LRRC8B: variants seen among roughly 807,000 people sequenced by gnomAD.
LRRC8B encodes the protein leucine rich repeat containing 8 VRAC subunit B, also known as volume-regulated anion channel subunit LRRC8B.
LRRC8B carries 23 observed loss-of-function variants against 58.8 expected under a neutral mutation model. The ratio of observed to expected loss-of-function variants is 0.39; its 90% CI spans 0.28 to 0.55. The LOEUF (loss-of-function observed/expected upper bound fraction) is 0.55, where lower values mean the gene tolerates loss of function less well. Among genes scored for constraint, LRRC8B ranks in the 20% least tolerant of loss-of-function variants. The pLI is 0.62. For synonymous variants in LRRC8B, 359 were observed against 374.1 expected (o/e 0.96, Z 0.47); for missense variants, 694 against 936.0 (o/e 0.74, Z 3.37).
intron 5 of LRRC8B, among the ~76,000 whole-genome samples, chr1:89,586,287 G>GA (rs1347132674): frequency 2.0e-5 from 3 of 152,162 alleles, no homozygotes; most frequent in African/African-American, 7.2e-5. Context: ...ACTGCACTCT[G>GA]AAAAATCACA....
At chr1:89,556,710 A>G (rs1652219724) in intron 1 of LRRC8B, among the ~76,000 whole-genome samples, 4 of 152,198 alleles carry the variant, frequency 2.6e-5, no homozygotes, top group Admixed American at 1.3e-4. Context: ...TGAGGAGCAA[A>G]TGGCAACCAG....
chr1:89,529,710 A>C (rs1381383922), intron 1 of LRRC8B, among the ~76,000 whole-genome samples: 2 of 152,094 alleles, frequency 1.3e-5, no homozygotes, highest in Non-Finnish European at 2.9e-5. Context: ...GTGACAGCAA[A>C]ATTTTTTCTA....
chr1:89,583,116 C>G lies in LRRC8B; in HGVS notation c.466C>G (p.Leu156Val), dbSNP rs776396316. ...SSRLEHFVAILHKCFDSPWTT... is the reference protein window; with the variant it reads ...SSRLEHFVAIVHKCFDSPWTT... ...CAGGCTCGAGCATTTTGTGGCCATC[C>G]TTCACAAGTGCTTCGATTCTCCATG... is the stretch of plus-strand genomic sequence containing the variant. The change falls in exon 5 of 6, where the codon CTT (leucine) becomes GTT (valine). Residue 156 changes from leucine to valine, a missense_variant. Coordinates refer to ENST00000330947, the MANE Select transcript of LRRC8B (RefSeq NM_001369817.2). This position sits in a 1 kb window ranked among gnomAD's most constrained non-coding sequence, Gnocchi z 5.2. 1.2e-6 allele frequency: 2 copies of G among 1,614,164 alleles called. No homozygotes were observed. The highest frequency in any genetic ancestry group is 1.7e-6 in the Non-Finnish European group (2 of 1,180,044).
At chr1:89,556,127 C>T (rs1652170620) in intron 1 of LRRC8B, among the ~76,000 whole-genome samples, 1 of 152,116 alleles carries the variant, frequency 6.6e-6, no homozygotes, top group African/African-American at 2.4e-5. Flanking sequence ...GATTTTCAGT[C>T]ACTAACGGCC....
chr1:89,585,519 A>G (rs1654555892), intron 5 of LRRC8B, among the ~76,000 whole-genome samples: 1 of 152,242 alleles, frequency 6.6e-6, no homozygotes. Context: ...TAAAGGCAAG[A>G]GAGTGAGGCT....
rs1471478812 is a variant in LRRC8B at position 89,596,259 on chromosome 1, C to T, written c.*3216C>T. ...TCTTTTCCTAACTTACATCAGGGTA[C>T]ATCTGTGTGGCACACAGATACTATC... is the stretch of plus-strand genomic sequence containing the variant. On this transcript the variant is annotated 3_prime_UTR_variant, in exon 6 of 6. Coordinates refer to ENST00000330947, the MANE Select transcript of LRRC8B (RefSeq NM_001369817.2). 6.6e-6 allele frequency: 1 copy of T among 152,100 alleles called. No individual in the cohort carries two copies. Among genetic ancestry groups the T allele is most frequent in the African/African-American group, 2.4e-5 (1 of 41,446 alleles). The allele number at this position is 152,100 out of a possible 1,614,324, so 9.4% of individuals were successfully genotyped here. A position where few individuals can be genotyped will look rare whatever the true frequency, so the allele number is the denominator to read the frequency against.
chr1:89,580,596 GT>G (rs148001430), intron 4 of LRRC8B, among the ~76,000 whole-genome samples: 1,549 of 152,180 alleles, frequency 0.01, 6 homozygotes, highest in Non-Finnish European at 0.014. Flanking sequence ...TCTCATTTTA[GT>G]TTCTGTCTTA....
Position 89,582,621 on chromosome 1 carries a change from C to T in LRRC8B, c.-26-4C>T. The stretch of plus-strand genomic sequence containing the variant: ...GTAGTGTTTCTTTTATTTCCCTCTT[C>T]CAGTTTCTGTCCTCCTACAAGGGAA... On this transcript the variant is annotated splice_polypyrimidine_tract_variant and splice_region_variant and intron_variant, in intron 4 of 5. Coordinates refer to ENST00000330947, the MANE Select transcript of LRRC8B (RefSeq NM_001369817.2). 1 of 1,513,424 alleles carries T rather than the reference C, an allele frequency of 6.6e-7. No homozygotes were observed. The highest frequency in any genetic ancestry group is 9.1e-7 in the Non-Finnish European group (1 of 1,093,648). 93.7% of individuals were successfully genotyped at this position (1,513,424 alleles called of 1,614,324 possible). A position where few individuals can be genotyped will look rare whatever the true frequency, so the allele number is the denominator to read the frequency against.
At chr1:89,562,181 A>ACACACACC (rs1553157003) in intron 1 of LRRC8B, among the ~76,000 whole-genome samples, 4 of 149,930 alleles carry the variant, frequency 2.7e-5, no homozygotes, top group African/African-American at 4.9e-5. Context: ...ACACACACAC[A>ACACACACC]CCCTCTGCAT....
At chr1:89,574,717 A>C (rs569780055) in intron 3 of LRRC8B, among the ~76,000 whole-genome samples, 1 of 152,150 alleles carries the variant, frequency 6.6e-6, no homozygotes, top group African/African-American at 2.4e-5. Flanking sequence ...ATTTTCTCAG[A>C]TTGTAAATCC....
chr1:89,529,820 T>C (rs771786035), intron 1 of LRRC8B, among the ~76,000 whole-genome samples: 2 of 152,178 alleles, frequency 1.3e-5, no homozygotes, highest in Non-Finnish European at 2.9e-5. Flanking sequence ...GCTGACCCAC[T>C]CTCAGAAGCT....
At chr1:89,535,377 A>G (rs72957880) in intron 1 of LRRC8B, among the ~76,000 whole-genome samples, 3,208 of 152,132 alleles carry the variant, frequency 0.021, 118 homozygotes, top group African/African-American at 0.074. Context: ...CATGGTTAGA[A>G]CATATCACTC....
At chr1:89,581,210 G>A (rs1486897965) in intron 4 of LRRC8B, among the ~76,000 whole-genome samples, 1 of 147,136 alleles carries the variant, frequency 6.8e-6, no homozygotes, top group Non-Finnish European at 1.5e-5. Flanking sequence ...GAGGCGGGAG[G>A]ATTGTTTGGA....
At chr1:89,536,916 C>T (rs902273246) in intron 1 of LRRC8B, among the ~76,000 whole-genome samples, 1 of 152,026 alleles carries the variant, frequency 6.6e-6, no homozygotes, top group African/African-American at 2.4e-5. Flanking sequence ...AGGTCTTTCC[C>T]AGAATACACA....
chr1:89,542,870 G>A (rs1452000135), intron 1 of LRRC8B, among the ~76,000 whole-genome samples: 2 of 152,152 alleles, frequency 1.3e-5, no homozygotes, highest in Non-Finnish European at 2.9e-5. Flanking sequence ...GGGCCTATGT[G>A]TCCTCACACT....
At chr1:89,532,169 T>G (rs942613457) in intron 1 of LRRC8B, among the ~76,000 whole-genome samples, 12 of 152,076 alleles carry the variant, frequency 7.9e-5, no homozygotes, top group Non-Finnish European at 1.5e-4. Context: ...CCACCTTAGG[T>G]AAAGTACCCA....
intron 3 of LRRC8B, among the ~76,000 whole-genome samples, chr1:89,571,652 A>G (rs906532875): frequency 9.2e-5 from 14 of 152,204 alleles, no homozygotes; most frequent in African/African-American, 3.4e-4. Context: ...GGATACTTTG[A>G]TTTCCTCTTT....
chr1:89,584,437 A>G lies in LRRC8B; in HGVS notation c.1787A>G (p.Asp596Gly). The G allele has an allele frequency of 6.2e-7, 1 of 1,614,196 alleles. No homozygotes were observed. The highest frequency in any genetic ancestry group is 8.5e-7 in the Non-Finnish European group (1 of 1,180,032). Residue 596 changes from aspartate (D) to glycine (G), a missense_variant, in exon 5 of 6, where the codon GAC (aspartate) becomes GGC (glycine). This residue lies in a region of LRRC8B where 53 missense variants were observed against 112.3 expected (regional missense o/e 0.47). Transcript: ENST00000330947. ...AAAAGCCTAGAACTGATCAGCTGTG[A>G]CCTGGAACGCATCCCACATTCCATT... ...NLKSLELISC[D>G]LERIPHSIFS...
chr1:89,563,550 T>C (rs1185019320), intron 1 of LRRC8B, among the ~76,000 whole-genome samples: 1 of 152,166 alleles, frequency 6.6e-6, no homozygotes, highest in Non-Finnish European at 1.5e-5. Context: ...TCTTGTGATA[T>C]ATGGTGAGAA....
Sources: gnomAD v4.1 joint callset for allele counts (sites outside exome capture counted in the v4.1 genomes callset) on GRCh38, gnomAD v4.1.1 for gene constraint, gnomAD v4.1.1 regional missense constraint, Gnocchi (gnomAD v3.1) non-coding constraint, MANE v1.5 for transcripts, NCBI Gene and HGNC (gene_info 2026-07-23, HGNC 2026-07-21) for gene names.